WDR64: variants seen among roughly 807,000 people sequenced by gnomAD.
WDR64 encodes WD repeat-containing protein 64.
Under a neutral mutation model 139.3 loss-of-function variants are expected in WDR64, and 112 were observed. The ratio of observed to expected loss-of-function variants is 0.80; its 90% CI spans 0.69 to 0.94. The LOEUF (loss-of-function observed/expected upper bound fraction) is 0.94, where lower values mean the gene tolerates loss of function less well. Among genes scored for constraint, WDR64 ranks in the 40% least tolerant of loss-of-function variants. The probability of loss-of-function intolerance (pLI) is 0.00; values close to 1 mark genes in which losing one functional copy is unlikely to be tolerated. For synonymous variants in WDR64, 444 were observed against 437.7 expected, an observed-to-expected ratio of 1.01 and a Z score of -0.18; for missense variants, 1,206 against 1,293.1, an observed-to-expected ratio of 0.93 and a Z score of 1.03.
chr1:241,780,592 G>C (rs1365178264), intron 22 of WDR64, among the ~76,000 whole-genome samples: 1 of 152,084 alleles, frequency 6.6e-6, no homozygotes, highest in Non-Finnish European at 1.5e-5. Flanking sequence ...CTAAATATTA[G>C]CTTAAATAGA....
chr1:241,728,825 T>TC (rs201075802), intron 10 of WDR64, among the ~76,000 whole-genome samples: 1 of 79,040 alleles, frequency 1.3e-5, no homozygotes, highest in African/African-American at 4.3e-5. Flanking sequence ...CTCTTCTTCT[T>TC]TTTTTTTTTC....
At chr1:241,753,296 A>G (rs1477213783) in intron 14 of WDR64, among the ~76,000 whole-genome samples, 1 of 152,178 alleles carries the variant, frequency 6.6e-6, no homozygotes. Flanking sequence ...TTCAACATAG[A>G]AAGAGTCCTG....
At chr1:241,737,129 T>C (rs1384805728) in intron 10 of WDR64, among the ~76,000 whole-genome samples, 1 of 152,238 alleles carries the variant, frequency 6.6e-6, no homozygotes, top group Non-Finnish European at 1.5e-5. Flanking sequence ...TACTTTATGA[T>C]ACAAAAGGCT....
At chr1:241,740,618 G>A (rs1669499492) in intron 11 of WDR64, among the ~76,000 whole-genome samples, 1 of 149,652 alleles carries the variant, frequency 6.7e-6, no homozygotes, top group Non-Finnish European at 1.5e-5. Flanking sequence ...AGAAATTTCA[G>A]TTTTGCTTGA....
intron 3 of WDR64, among the ~76,000 whole-genome samples, 197 bp from the exon 4 acceptor site, chr1:241,674,447 A>G (rs1666384112): frequency 6.6e-6 from 1 of 151,678 alleles, no homozygotes; most frequent in South Asian, 2.1e-4. Flanking sequence ...GTAGAGATGG[A>G]CTTTGTCATG....
chr1:241,687,273 T>C (rs1336369153), intron 7 of WDR64, among the ~76,000 whole-genome samples, 188 bp from the exon 8 acceptor site: 1 of 143,778 alleles, frequency 7.0e-6, no homozygotes, highest in Non-Finnish European at 1.5e-5. Context: ...CACTGCACAC[T>C]CCAGCCTAGG....
At chr1:241,678,383 A>T (rs1666640495) in intron 5 of WDR64, among the ~76,000 whole-genome samples, 167 bp downstream of exon 5, 1 of 152,228 alleles carries the variant, frequency 6.6e-6, no homozygotes, top group Non-Finnish European at 1.5e-5. Flanking sequence ...GCCTTGAGCA[A>T]CAGCAAAGAG....
At position 241,674,667 on chromosome 1, in the gene WDR64, A is replaced by G; in HGVS notation, c.403A>G (p.Lys135Glu). Residue 135 changes from lysine to glutamate, a missense_variant, in exon 4 of 28, where the codon AAG becomes GAG. Lys to Glu is a moderately conservative substitution (Grantham distance 56). Transcript: ENST00000437684. Reference protein sequence around the residue: ...ISGSRRRDVIKSIVKIPHLDL... With the variant: ...ISGSRRRDVIESIVKIPHLDL... ...AGGTAGTAGAAGACGAGATGTGATT[A>G]AGAGCATTGTCAAGATACCTCACCT... 6.5e-7 allele frequency: 1 copy of G among 1,549,698 alleles called. No individual in the cohort carries two copies. Among genetic ancestry groups the G allele is most frequent in the Non-Finnish European group, 8.7e-7 (1 of 1,145,572 alleles).
intron 1 of WDR64, 139 bp from the exon 2 acceptor site, chr1:241,660,391 G>A: frequency 1.9e-6 from 2 of 1,067,740 alleles, no homozygotes; most frequent in East Asian, 2.7e-5. Flanking sequence ...GCAAAGACAA[G>A]GTCTTTAAAA....
chr1:241,746,867 C>G (rs745817961), intron 13 of WDR64, among the ~76,000 whole-genome samples: 1 of 151,422 alleles, frequency 6.6e-6, no homozygotes, highest in Non-Finnish European at 1.5e-5. Context: ...TCAAGTGATT[C>G]TCCTGCCTCA....
intron 1 of WDR64, among the ~76,000 whole-genome samples, chr1:241,654,936 G>A (rs901868946): frequency 9.2e-5 from 14 of 152,000 alleles, no homozygotes; most frequent in Non-Finnish European, 1.5e-4. Flanking sequence ...ATCTCACTAT[G>A]TACAGTATAT....
intron 13 of WDR64, 140 bp from the exon 14 acceptor site, chr1:241,749,407 A>G (rs1176855434): frequency 2.7e-5 from 24 of 902,170 alleles, no homozygotes; most frequent in Middle Eastern, 3.6e-4. Flanking sequence ...GCCTGGGAAG[A>G]CTCACCCATC....
At chr1:241,730,558 A>G (rs1381148834) in intron 10 of WDR64, among the ~76,000 whole-genome samples, 1 of 152,150 alleles carries the variant, frequency 6.6e-6, no homozygotes, top group Non-Finnish European at 1.5e-5. Context: ...TCCCTAAGGT[A>G]ACTATCTGGG....
At chr1:241,682,541 A>T in intron 6 of WDR64, among the ~76,000 whole-genome samples, 1 of 152,216 alleles carries the variant, frequency 6.6e-6, no homozygotes, top group East Asian at 1.9e-4. Context: ...CTTATAGTAT[A>T]GTTTGAAATC....
Position 241,711,653 on chromosome 1 carries a change from G to A in WDR64, c.975-149G>A, listed in dbSNP as rs1205446666. ...TAAGTAGATTCTTACTGTTAATTACGACTTAATCATTACTTGTAATACGGC... is the reference window on the plus strand; with the variant it reads ...TAAGTAGATTCTTACTGTTAATTACAACTTAATCATTACTTGTAATACGGC... On this transcript the variant is annotated intron_variant, in intron 8 of 27. Transcript: ENST00000437684. The A allele has an allele frequency of 4.3e-6, 3 of 694,130 alleles. No individual in the cohort carries two copies. The African/African-American group carries it at 5.4e-5, about 12-fold the overall frequency. 43.0% of individuals were successfully genotyped at this position (694,130 alleles called of 1,614,324 possible). A position where few individuals can be genotyped will look rare whatever the true frequency, so the allele number is the denominator to read the frequency against.
chr1:241,680,724 G>C (rs1245085224), intron 6 of WDR64, among the ~76,000 whole-genome samples: 1 of 151,914 alleles, frequency 6.6e-6, no homozygotes, highest in African/African-American at 2.4e-5. Context: ...CTTCACAGTG[G>C]CTAAGCACTG....
At position 241,703,947 on chromosome 1, in the gene WDR64, G is replaced by A. The variant is rs553058969; in HGVS notation, c.975-7855G>A. The stretch of plus-strand genomic sequence containing the variant: ...TCACTCACTAACACAAGAACAACAC[G>A]GGAGAAGCCGCCCCCATGAACCAAT... On this transcript the variant is annotated intron_variant, in intron 8 of 27. Coordinates refer to ENST00000437684, the MANE Select transcript of WDR64 (RefSeq NM_001367482.1). The surrounding 1 kb of genome is among the most constrained non-coding windows in gnomAD (Gnocchi z 5.9). 1.2e-4 allele frequency among the ~76,000 whole-genome samples: 18 copies of A among 152,240 alleles called. No individual in the cohort carries two copies. Among genetic ancestry groups the A allele is most frequent in the African/African-American group, 2.4e-4 (10 of 41,532 alleles).
rs565636107 is a variant in WDR64, at chr1:241,691,931, T to C, written c.974+4336T>C. ...GGGAGACTGAGGTGGGAGAATTGCT[T>C]GAACCCAGGAGGCAGAGGTTGCCGT... On this transcript the variant is annotated intron_variant, in intron 8 of 27. Coordinates refer to ENST00000437684, the MANE Select transcript of WDR64 (RefSeq NM_001367482.1). 9.9e-5 allele frequency among the ~76,000 whole-genome samples: 15 copies of C among 151,864 alleles called. No homozygotes were observed. In the South Asian group the frequency reaches 2.9e-3, roughly 29 times the overall value.
At chr1:241,695,695 A>G (rs1667455835) in intron 8 of WDR64, among the ~76,000 whole-genome samples, 1 of 152,236 alleles carries the variant, frequency 6.6e-6, no homozygotes, top group South Asian at 2.1e-4. Flanking sequence ...TAACAGCCAC[A>G]ATAAACATAC....
Sources: allele counts gnomAD v4.1 joint callset (sites outside exome capture counted in the v4.1 genomes callset), GRCh38; gene constraint gnomAD v4.1.1; non-coding constraint Gnocchi (gnomAD v3.1); transcripts MANE v1.5; gene names NCBI Gene and HGNC (gene_info 2026-07-23, HGNC 2026-07-21).